Variants in PIEZO2 observed in about 807,000 individuals in gnomAD.
PIEZO2 encodes the protein piezo-type mechanosensitive ion channel component 2.
PIEZO2 carries 172 observed loss-of-function variants against 337.3 expected under a neutral mutation model. The observed-to-expected ratio is 0.51, with a 90% CI of 0.45 to 0.58. The LOEUF (loss-of-function observed/expected upper bound fraction) is 0.58. PIEZO2 is among the 20% of genes least tolerant of loss of function. The pLI is 0.00. For synonymous variants in PIEZO2, 1,251 were observed against 1,228.5 expected (o/e 1.02, Z -0.38); for missense variants, 3,028 against 3,391.3 (o/e 0.89, Z 2.66).
At position 10,846,157 on chromosome 18, in the gene PIEZO2, T is replaced by A. The variant is rs972967640; in HGVS notation, c.917+9196A>T. On this transcript the variant is annotated intron_variant, in intron 7 of 55. Coordinates refer to ENST00000674853, the MANE Select transcript of PIEZO2 (RefSeq NM_001378183.1). This position sits in a 1 kb window ranked among gnomAD's most constrained non-coding sequence, Gnocchi z 4.1. ...CAAGACTTGGCAATTTACAAAAGAA[T>A]GAGGTTTATTGGACTTACAGTTCCA... is the stretch of plus-strand genomic sequence containing the variant. 2.6e-5 allele frequency among the ~76,000 whole-genome samples: 4 copies of A among 152,212 alleles called. No individual in the cohort carries two copies. The highest frequency in any genetic ancestry group is 4.4e-5 in the Non-Finnish European group (3 of 68,042).
chr18:10,953,793 C>T lies in PIEZO2; in HGVS notation c.286+25742G>A, dbSNP rs2033401537. 6.6e-6 allele frequency among the ~76,000 whole-genome samples: 1 copy of T among 152,212 alleles called. No individual in the cohort carries two copies. Among genetic ancestry groups the T allele is most frequent in the East Asian group, 1.9e-4 (1 of 5,174 alleles). ...GGACACTGCACACCACACAGGGCCACACCGGGGTGCACTTGGGAACAGATG... is the reference window on the plus strand; with the variant it reads ...GGACACTGCACACCACACAGGGCCATACCGGGGTGCACTTGGGAACAGATG... On this transcript the variant is annotated intron_variant, in intron 3 of 55. Coordinates refer to ENST00000674853, the MANE Select transcript of PIEZO2 (RefSeq NM_001378183.1). This position sits in a 1 kb window ranked among gnomAD's most constrained non-coding sequence, Gnocchi z 5.2.
At chr18:11,091,435 T>C (rs1487289762) in intron 1 of PIEZO2, among the ~76,000 whole-genome samples, 1 of 151,280 alleles carries the variant, frequency 6.6e-6, no homozygotes, top group Non-Finnish European at 1.5e-5. Flanking sequence ...AAAAGAAATA[T>C]TTTCTACTAA....
chr18:10,906,488 CA>C (rs934321630), intron 4 of PIEZO2, among the ~76,000 whole-genome samples: 3 of 151,390 alleles, frequency 2.0e-5, no homozygotes, highest in Non-Finnish European at 2.9e-5. Flanking sequence ...TTTTCCCAGA[CA>C]AAAAAACGCA....
At position 10,942,365 on chromosome 18, in the gene PIEZO2, A is replaced by G. The variant is rs2032774381; in HGVS notation, c.287-31137T>C. ...GAATGGCTTTAACCAAAATGCTGAT[A>G]ATGATATGAGCAATGAAATCCAGGC... On this transcript the variant is annotated intron_variant, in intron 3 of 55. Coordinates refer to ENST00000674853, the MANE Select transcript of PIEZO2 (RefSeq NM_001378183.1). This position sits in a 1 kb window ranked among gnomAD's most constrained non-coding sequence, Gnocchi z 4.4. Among the ~76,000 whole-genome samples, 1 of 152,200 alleles carries G rather than the reference A, an allele frequency of 6.6e-6. No homozygotes were observed. Among genetic ancestry groups the G allele is most frequent in the Non-Finnish European group, 1.5e-5 (1 of 68,026 alleles).
chr18:11,043,649 T>C (rs577689507), intron 2 of PIEZO2, among the ~76,000 whole-genome samples: 1 of 152,038 alleles, frequency 6.6e-6, no homozygotes, highest in East Asian at 1.9e-4. Flanking sequence ...AAAGTATCCA[T>C]ATTATCCCTA....
rs1288035155 is a variant in PIEZO2, at chr18:10,775,143, T to C, written c.2535-1105A>G. On this transcript the variant is annotated intron_variant, in intron 18 of 55. Transcript: ENST00000674853. The surrounding 1 kb of genome is among the most constrained non-coding windows in gnomAD (Gnocchi z 4.3). ...TTGTTAATTTAATGAAGAGAGAGAA[T>C]CTGAAGCGAGTTTTACATTGGTGGA... 1.3e-5 allele frequency among the ~76,000 whole-genome samples: 2 copies of C among 152,176 alleles called. No individual in the cohort carries two copies. The highest frequency in any genetic ancestry group is 1.3e-4 in the Admixed American group (2 of 15,272).
At position 10,752,879 on chromosome 18, in the gene PIEZO2, T is replaced by C; in HGVS notation, c.3924A>G (p.Arg1308=). The C allele has an allele frequency of 6.6e-7, 1 of 1,523,660 alleles. No homozygotes were observed. Among genetic ancestry groups the C allele is most frequent in the Non-Finnish European group, 8.8e-7 (1 of 1,137,866 alleles). The allele number at this position is 1,523,660 out of a possible 1,614,324, so 94.4% of individuals were successfully genotyped here. A position where few individuals can be genotyped will look rare whatever the true frequency, so the allele number is the denominator to read the frequency against. The change falls in exon 28 of 56, where the codon AGA becomes AGG. Residue 1308 remains arginine (R), a splice_region_variant and synonymous_variant. Coordinates refer to ENST00000674853, the MANE Select transcript of PIEZO2 (RefSeq NM_001378183.1). ...HNPVPDFIHC[R]SYLDMSKVII... ...TCACTTTGGACATGTCTAAGTAAGA[T>C]CTGGAAAACAAAGCCAGTGACAAAA...
At chr18:10,977,072 G>A (rs2034473683) in intron 3 of PIEZO2, among the ~76,000 whole-genome samples, 1 of 151,046 alleles carries the variant, frequency 6.6e-6, no homozygotes. Context: ...CTCTGTGGAG[G>A]AGAACACAGA....
rs754852810 is a variant in PIEZO2, at chr18:10,682,872, G to A, written c.7498-580C>T. Among the ~76,000 whole-genome samples the A allele has an allele frequency of 3.3e-5, 5 of 152,192 alleles. No individual in the cohort carries two copies. The highest frequency in any genetic ancestry group is 9.7e-5 in the African/African-American group (4 of 41,448). On this transcript the variant is annotated intron_variant, in intron 49 of 55. Transcript: ENST00000674853. The surrounding 1 kb of genome is among the most constrained non-coding windows in gnomAD (Gnocchi z 5.6). ...TAGGGAGTGGGGAGAGGGCAGGTGCGTGTTGCAGGGGCTCACTCTCCTACA... is the reference window on the plus strand; with the variant it reads ...TAGGGAGTGGGGAGAGGGCAGGTGCATGTTGCAGGGGCTCACTCTCCTACA...
chr18:10,913,220 C>T (rs1435942523), intron 3 of PIEZO2, among the ~76,000 whole-genome samples: 1 of 152,152 alleles, frequency 6.6e-6, no homozygotes, highest in East Asian at 1.9e-4. Context: ...ATTATCCTGC[C>T]CCTGAAATCC....
At position 10,783,745 on chromosome 18, in the gene PIEZO2, G is replaced by C. The variant is rs2039113655; in HGVS notation, c.2492+1039C>G. 3.3e-5 allele frequency among the ~76,000 whole-genome samples: 5 copies of C among 152,094 alleles called. No individual in the cohort carries two copies. Among genetic ancestry groups the C allele is most frequent in the Admixed American group, 3.3e-4 (5 of 15,256 alleles). On this transcript the variant is annotated intron_variant, in intron 17 of 55. Transcript: ENST00000674853. This position sits in a 1 kb window ranked among gnomAD's most constrained non-coding sequence, Gnocchi z 4.3. Reference sequence around the variant, plus strand: ...AGTCATCTGAAGTATCAGAATGATAGGCGAAACACAACACAATAAGAAAAG... The same window carrying C: ...AGTCATCTGAAGTATCAGAATGATACGCGAAACACAACACAATAAGAAAAG...
chr18:10,884,648 G>A (rs1277527294), intron 4 of PIEZO2, among the ~76,000 whole-genome samples: 3 of 152,166 alleles, frequency 2.0e-5, no homozygotes, highest in Admixed American at 6.5e-5. Flanking sequence ...AGAAATCTCC[G>A]TCCTTCTACC....
intron 18 of PIEZO2, among the ~76,000 whole-genome samples, chr18:10,777,907 T>C (rs1352289382): frequency 6.6e-6 from 1 of 152,218 alleles, no homozygotes; most frequent in Non-Finnish European, 1.5e-5. Flanking sequence ...GTGAATTGAA[T>C]ATTACATCTT....
chr18:10,855,099 T>C lies in PIEZO2; in HGVS notation c.917+254A>G, dbSNP rs2041666460. ...CAGCTGAGACTCTGTGTCTTATTCCTACACATGACAGCTCCCTGTCCTCCT... is the reference window on the plus strand; with the variant it reads ...CAGCTGAGACTCTGTGTCTTATTCCCACACATGACAGCTCCCTGTCCTCCT... On this transcript the variant is annotated intron_variant, in intron 7 of 55. Transcript: ENST00000674853. This position sits in a 1 kb window ranked among gnomAD's most constrained non-coding sequence, Gnocchi z 4.9. 6.6e-6 allele frequency among the ~76,000 whole-genome samples: 1 copy of C among 152,184 alleles called. No homozygotes were observed. Among genetic ancestry groups the C allele is most frequent in the Non-Finnish European group, 1.5e-5 (1 of 68,042 alleles).
chr18:10,799,221 C>CACA (rs2039717726), intron 11 of PIEZO2, among the ~76,000 whole-genome samples: 1 of 151,938 alleles, frequency 6.6e-6, no homozygotes, highest in South Asian at 2.1e-4. Context: ...TCACTAAAGG[C>CACA]ACGACAAGGT....
Position 11,033,918 on chromosome 18 carries a change from A to T in PIEZO2, c.160+32209T>A, listed in dbSNP as rs2036825677. On this transcript the variant is annotated intron_variant, in intron 2 of 55. Coordinates refer to ENST00000674853, the MANE Select transcript of PIEZO2 (RefSeq NM_001378183.1). This position sits in a 1 kb window ranked among gnomAD's most constrained non-coding sequence, Gnocchi z 4.2. ...TCTTCAGACTTTACCGGGTTGGTTT[A>T]TAACTTTAATACCTGAAAAACTTAT... 6.6e-6 allele frequency among the ~76,000 whole-genome samples: 1 copy of T among 152,128 alleles called. No homozygotes were observed. The highest frequency in any genetic ancestry group is 1.5e-5 in the Non-Finnish European group (1 of 68,024).
intron 36 of PIEZO2, among the ~76,000 whole-genome samples, chr18:10,719,621 T>C (rs967188332): frequency 6.6e-6 from 1 of 152,208 alleles, no homozygotes; most frequent in Non-Finnish European, 1.5e-5. Flanking sequence ...TTAGGTTGAT[T>C]ACATATTTAT....
intron 2 of PIEZO2, among the ~76,000 whole-genome samples, chr18:11,017,639 T>C (rs2036163667): frequency 1.3e-5 from 2 of 152,204 alleles, no homozygotes; most frequent in South Asian, 4.1e-4. Flanking sequence ...AGAATGGTTC[T>C]TCTGTATAAA....
intron 3 of PIEZO2, among the ~76,000 whole-genome samples, chr18:10,971,068 C>T (rs1187247468): frequency 1.3e-5 from 2 of 152,144 alleles, no homozygotes; most frequent in Admixed American, 6.5e-5. Flanking sequence ...TGGAGACTCC[C>T]CATGACCAGA....
Sources: gnomAD v4.1 joint callset for allele counts (sites outside exome capture counted in the v4.1 genomes callset) on GRCh38, gnomAD v4.1.1 for gene constraint, Gnocchi (gnomAD v3.1) non-coding constraint, MANE v1.5 for transcripts, NCBI Gene and HGNC (gene_info 2026-07-23, HGNC 2026-07-21) for gene names.